COL4A6: variants seen among roughly 807,000 people sequenced by gnomAD.
The protein encoded by COL4A6 is collagen alpha-6(IV) chain.
Under a neutral mutation model 126.7 loss-of-function variants are expected in COL4A6, and 59 were observed. That is an observed-to-expected ratio of 0.47 (90% CI 0.38 to 0.58). COL4A6 has a LOEUF of 0.58. Among genes scored for constraint, COL4A6 ranks in the 20% least tolerant of loss-of-function variants. The probability of loss-of-function intolerance (pLI) is 0.00; values close to 1 mark genes in which losing one functional copy is unlikely to be tolerated. For missense variants in COL4A6, 1,285 were observed against 1,337.3 expected (o/e 0.96, Z 0.61); for synonymous variants, 547 against 496.6 (o/e 1.10, Z -1.35).
intron 2 of COL4A6, among the ~76,000 whole-genome samples, chrX:108,427,728 G>A (rs2064111778): frequency 8.9e-6 from 1 of 111,859 alleles, no homozygotes; most frequent in Non-Finnish European, 1.9e-5. Context: ...TGGATATCAG[G>A]AAAGCCAATG....
chrX:108,217,476 G>A (rs2035891013), intron 5 of COL4A6, among the ~76,000 whole-genome samples: 1 of 111,446 alleles, frequency 9.0e-6, no homozygotes, highest in Non-Finnish European at 1.9e-5. Flanking sequence ...TATCTTTAGA[G>A]TGTTTACTCT....
chrX:108,164,753 G>T lies in COL4A6; in HGVS notation c.3971-55C>A, dbSNP rs1018248554. 10 of 1,181,510 alleles carry T rather than the reference G, an allele frequency of 8.5e-6. No homozygotes were observed. In the African/African-American group the frequency reaches 8.9e-5, roughly 10 times the overall value. On this transcript the variant is annotated intron_variant, in intron 39 of 44. Transcript: ENST00000334504. Reference sequence around the variant, plus strand: ...TCCCGGCATGGTAGGGGTGGTAGGGGTGGAGGATAGGCAGGGGTGAGGTAG... The same window carrying T: ...TCCCGGCATGGTAGGGGTGGTAGGGTTGGAGGATAGGCAGGGGTGAGGTAG...
chrX:108,159,680 A>T lies in COL4A6; in HGVS notation c.4594T>A (p.Cys1532Ser). ...PFIYCNINEV[C>S]HYARRNDKSY... ...TTATCATTGCGCCTGGCATAGTGGC[A>T]CACCTCGTTGATGTTGCAGTAGATG... Residue 1532 changes from cysteine to serine, a missense_variant, in exon 44 of 45, where the codon TGC becomes AGC. By Grantham distance (112) the Cys-to-Ser change is moderately radical. Coordinates refer to ENST00000334504, the MANE Select transcript of COL4A6 (RefSeq NM_033641.4). 3.3e-6 allele frequency: 4 copies of T among 1,211,976 alleles called. No individual in the cohort carries two copies. The highest frequency in any genetic ancestry group is 3.3e-6 in the Non-Finnish European group (3 of 895,557).
chrX:108,165,288 C>A, intron 38 of COL4A6, 82 bp downstream of exon 38: 1 of 873,026 alleles, frequency 1.1e-6, no homozygotes. Context: ...GCAACAGGGA[C>A]TTGGCTGCGC....
chrX:108,160,454 G>T lies in COL4A6; in HGVS notation c.4525+9C>A, dbSNP rs971426894. On this transcript the variant is annotated intron_variant, in intron 43 of 44. Transcript: ENST00000334504. ...GTGACCAGGGCTGGCTGTCAGAGCTGGTACCTACCCAGGTCCTGGTTGTGG... is the reference window on the plus strand; with the variant it reads ...GTGACCAGGGCTGGCTGTCAGAGCTTGTACCTACCCAGGTCCTGGTTGTGG... 1 of 1,186,323 alleles carries T rather than the reference G, an allele frequency of 8.4e-7. No homozygotes were observed. The highest frequency in any genetic ancestry group is 1.7e-5 in the African/African-American group (1 of 57,275).
chrX:108,300,563 C>A (rs1188506305), intron 3 of COL4A6, among the ~76,000 whole-genome samples: 1 of 110,978 alleles, frequency 9.0e-6, no homozygotes, highest in Non-Finnish European at 1.9e-5. Flanking sequence ...CCCTGGATAA[C>A]CCTCACCAAA....
intron 2 of COL4A6, among the ~76,000 whole-genome samples, chrX:108,432,846 A>C (rs1270027442): frequency 8.9e-6 from 1 of 111,859 alleles, no homozygotes; most frequent in Admixed American, 9.5e-5. Flanking sequence ...AAACAAAAAA[A>C]CAAAAAAACA....
At chrX:108,413,690 C>T (rs1216499601) in intron 2 of COL4A6, among the ~76,000 whole-genome samples, 2 of 111,662 alleles carry the variant, frequency 1.8e-5, no homozygotes, top group African/African-American at 6.5e-5. Flanking sequence ...GTTTCCACTG[C>T]TTTGATGGAA....
rs752469273 is a variant in COL4A6, at chrX:108,156,968, G to T, written c.*32C>A. 8.4e-7 allele frequency: 1 copy of T among 1,188,080 alleles called. No homozygotes were observed. The highest frequency in any genetic ancestry group is 3.0e-5 in the East Asian group (1 of 33,713). On this transcript the variant is annotated 3_prime_UTR_variant, in exon 45 of 45. Coordinates refer to ENST00000334504, the MANE Select transcript of COL4A6 (RefSeq NM_033641.4). ...TGAGGTGACTGTTGTGAGGGGCAGG[G>T]GAGGGCAAGGGGCAGAGTGGCAGGT... is the stretch of plus-strand genomic sequence containing the variant.
In COL4A6 at chrX:108,180,621, G is replaced by A; in HGVS notation, c.2025C>T (p.Gly675=). ...CAGGGAGGCCTCGAGACCCTTTAGG[G>A]CCTGAAAACCCAAATGTAAGCAATG... ...SGFPGTPGFP[G]PKGSRGLPGT... is the part of the protein sequence containing the mutation. Residue 675 remains glycine, a splice_region_variant and synonymous_variant, in exon 25 of 45, where the codon GGC becomes GGT. Transcript: ENST00000334504. 1 of 1,174,292 alleles carries A rather than the reference G, an allele frequency of 8.5e-7. No individual in the cohort carries two copies. The highest frequency in any genetic ancestry group is 1.8e-5 in the African/African-American group (1 of 55,721).
chrX:108,323,129 C>A (rs763355782), intron 2 of COL4A6, among the ~76,000 whole-genome samples: 29 of 111,791 alleles, frequency 2.6e-4, no homozygotes, highest in African/African-American at 9.1e-4. Context: ...CATTTGCTTT[C>A]TTATATGCTT....
At position 108,280,844 on chromosome X, in the gene COL4A6, A is replaced by G. The variant is rs752003551; in HGVS notation, c.144+29904T>C. 5.0e-3 allele frequency among the ~76,000 whole-genome samples: 561 copies of G among 111,817 alleles called. 2 individuals are homozygous for G. Among genetic ancestry groups the G allele is most frequent in the African/African-American group, 0.018 (542 of 30,740 alleles). On this transcript the variant is annotated intron_variant, in intron 3 of 44. Transcript: ENST00000334504. The stretch of plus-strand genomic sequence containing the variant: ...GGGATGCAAGGCTGGTTCAACATAC[A>G]CAAATCAATAAATGTAATCCAGCAT...
At chrX:108,402,134 T>C (rs1377245349) in intron 2 of COL4A6, among the ~76,000 whole-genome samples, 1 of 111,201 alleles carries the variant, frequency 9.0e-6, no homozygotes, top group African/African-American at 3.3e-5. Flanking sequence ...TGGAATAAGT[T>C]GGTGGGGTAC....
intron 42 of COL4A6, 110 bp from the exon 43 acceptor site, chrX:108,160,764 A>C: frequency 5.1e-5 from 35 of 687,734 alleles, no homozygotes; most frequent in African/African-American, 6.7e-5. Context: ...GTATTATCTC[A>C]CTCAATCCTC....
chrX:108,293,510 C>G (rs2038231772), intron 3 of COL4A6, among the ~76,000 whole-genome samples: 2 of 111,392 alleles, frequency 1.8e-5, no homozygotes, highest in South Asian at 7.6e-4. Flanking sequence ...AAATGATAAC[C>G]TGGCTTGAAA....
At chrX:108,267,199 C>T (rs763303911) in intron 3 of COL4A6, among the ~76,000 whole-genome samples, 6 of 111,999 alleles carry the variant, frequency 5.4e-5, no homozygotes, top group Non-Finnish European at 1.1e-4. Context: ...TGTCACCTAA[C>T]ACCATTCTGA....
chrX:108,272,094 T>G (rs1197941484), intron 3 of COL4A6, among the ~76,000 whole-genome samples: 1 of 111,648 alleles, frequency 9.0e-6, no homozygotes, highest in African/African-American at 3.3e-5. Context: ...TTTGCTTTTT[T>G]TTCAGGTCCA....
chrX:108,399,873 T>C (rs764181601), intron 2 of COL4A6, among the ~76,000 whole-genome samples: 40 of 111,497 alleles, frequency 3.6e-4, no homozygotes, highest in African/African-American at 1.1e-3. Context: ...AAACTAAGTA[T>C]TGTCAGTCTC....
At chrX:108,376,541 T>G (rs1458583503) in intron 2 of COL4A6, among the ~76,000 whole-genome samples, 1 of 111,001 alleles carries the variant, frequency 9.0e-6, no homozygotes, top group African/African-American at 3.3e-5. Context: ...AAGGTGGAGG[T>G]TGCAGTGAGC....
Sources: gnomAD v4.1 joint callset for allele counts (sites outside exome capture counted in the v4.1 genomes callset) on GRCh38, gnomAD v4.1.1 for gene constraint, MANE v1.5 for transcripts, NCBI Gene and HGNC (gene_info 2026-07-23, HGNC 2026-07-21) for gene names.